Variants in KICS2 observed in about 807,000 individuals in gnomAD.
KICS2 encodes KICSTOR complex protein C12orf66.
In KICS2, 13 loss-of-function variants were observed where a neutral mutation model predicts 31.4. The observed-to-expected ratio is 0.41, with a 90% confidence interval of 0.27 to 0.66. The LOEUF is 0.66. Among genes scored for constraint, KICS2 ranks in the 30% least tolerant of loss-of-function variants. The probability of loss-of-function intolerance (pLI) is 0.28; values close to 1 mark genes in which losing one functional copy is unlikely to be tolerated. For synonymous variants in KICS2, 209 were observed against 214.8 expected (o/e 0.97, Z 0.24); for missense variants, 455 against 545.4 (o/e 0.83, Z 1.65).
At chr12:64,194,766 C>T in intron 2 of KICS2, 108 bp from the exon 3 acceptor site, 1 of 1,381,142 alleles carries the variant, frequency 7.2e-7, no homozygotes, top group African/African-American at 1.5e-5. Flanking sequence ...TATTATGCTT[C>T]AGGACAGGGG....
intron 2 of KICS2, 99 bp from the exon 3 acceptor site, chr12:64,194,757 A>G: frequency 1.4e-6 from 2 of 1,423,544 alleles, no homozygotes; most frequent in South Asian, 1.5e-5. Context: ...CAAACATAAT[A>G]TTATGCTTCA....
downstream of KICS2, chr12:64,187,346 C>A: frequency 2.3e-6 from 1 of 442,578 alleles, no homozygotes; most frequent in South Asian, 3.9e-5. Context: ...CAGATTCTGA[C>A]ATTAGGAGGG....
At chr12:64,201,222 T>C (rs1361147609) in intron 2 of KICS2, among the ~76,000 whole-genome samples, 3 of 144,796 alleles carry the variant, frequency 2.1e-5, no homozygotes, top group Admixed American at 6.9e-5. Flanking sequence ...CCAACAATGA[T>C]AGACTGGATT....
chr12:64,216,252 T>C (rs1026020832), intron 1 of KICS2, among the ~76,000 whole-genome samples: 27 of 152,148 alleles, frequency 1.8e-4, no homozygotes, highest in African/African-American at 6.5e-4. Flanking sequence ...AATGGACCTG[T>C]GTACAATTTG....
intron 2 of KICS2, among the ~76,000 whole-genome samples, chr12:64,201,752 A>G (rs1406463383): frequency 6.6e-6 from 1 of 150,928 alleles, no homozygotes; most frequent in Non-Finnish European, 1.5e-5. Flanking sequence ...CTGAGGCACG[A>G]GAATTGCTTG....
In KICS2 at chr12:64,222,035, T is replaced by A; in HGVS notation, c.203A>T (p.Tyr68Phe). ...LAHLAAAEKV[Y>F]HSLTYLGQKL... The stretch of plus-strand genomic sequence containing the variant: ...CTGCCCCAGGTAGGTGAGGCTGTGA[T>A]AGACCTTCTCGGCCGCGGCCAGGTG... Residue 68 changes from tyrosine to phenylalanine, a missense_variant, in exon 1 of 3, where the codon TAT (tyrosine) becomes TTT (phenylalanine). Coordinates refer to ENST00000398055, the MANE Select transcript of KICS2 (RefSeq NM_152440.5). 1 of 1,613,750 alleles carries A rather than the reference T, an allele frequency of 6.2e-7. No homozygotes were observed. The highest frequency in any genetic ancestry group is 1.1e-5 in the South Asian group (1 of 91,018).
At chr12:64,188,426 A>G (rs192284781), downstream of KICS2, among the ~76,000 whole-genome samples, 36 of 152,246 alleles carry the variant, frequency 2.4e-4, no homozygotes, top group East Asian at 7.0e-3. Flanking sequence ...CATGAGGCTG[A>G]GGCACGAGAA....
chr12:64,188,587 TAGAG>T (rs1030285035), downstream of KICS2, among the ~76,000 whole-genome samples: 1 of 146,408 alleles, frequency 6.8e-6, no homozygotes, highest in Admixed American at 6.9e-5. Context: ...GGAAGAGAGA[TAGAG>T]GGAGAGGGAG....
At chr12:64,187,417 A>AC, downstream of KICS2, 1 of 562,876 alleles carries the variant, frequency 1.8e-6, no homozygotes, top group Non-Finnish European at 3.1e-6. Context: ...TTTTACACAT[A>AC]CCCTACGGTT....
At chr12:64,213,101 A>AAAAG (rs2037598671) in intron 2 of KICS2, among the ~76,000 whole-genome samples, 1 of 146,804 alleles carries the variant, frequency 6.8e-6, no homozygotes, top group Non-Finnish European at 1.5e-5. Flanking sequence ...AAAAAAAAAA[A>AAAAG]AAAAGAAAAG....
At chr12:64,218,582 G>T (rs1196253235) in intron 1 of KICS2, among the ~76,000 whole-genome samples, 1 of 151,990 alleles carries the variant, frequency 6.6e-6, no homozygotes, top group Non-Finnish European at 1.5e-5. Context: ...AAACTGTGGT[G>T]AATTGGGAGC....
chr12:64,196,006 C>G (rs1450111891), intron 2 of KICS2, among the ~76,000 whole-genome samples: 4 of 151,350 alleles, frequency 2.6e-5, no homozygotes, highest in South Asian at 4.2e-4. Flanking sequence ...AACTGCAAGG[C>G]GGCAGCGAGG....
At chr12:64,212,826 A>G (rs906014949) in intron 2 of KICS2, among the ~76,000 whole-genome samples, 4 of 152,056 alleles carry the variant, frequency 2.6e-5, no homozygotes, top group African/African-American at 7.3e-5. Context: ...ACAGTAGCTC[A>G]CTCCTGTAAT....
chr12:64,188,360 C>G (rs138988097), downstream of KICS2, among the ~76,000 whole-genome samples: 2,474 of 152,216 alleles, frequency 0.016, 31 homozygotes, highest in Middle Eastern at 0.031. Flanking sequence ...CCCGTCTCCA[C>G]TAAACATACA....
intron 2 of KICS2, among the ~76,000 whole-genome samples, chr12:64,209,845 C>T (rs1592386370): frequency 6.6e-6 from 1 of 152,124 alleles, no homozygotes; most frequent in East Asian, 1.9e-4. Context: ...GTACTAGTCA[C>T]AAAATTTGTT....
At chr12:64,214,018 AAACT>A (rs2136704694) in intron 2 of KICS2, among the ~76,000 whole-genome samples, 1 of 152,330 alleles carries the variant, frequency 6.6e-6, no homozygotes, top group East Asian at 1.9e-4. Flanking sequence ...ATAGCCTGCT[AAACT>A]AACCTTTTCT....
chr12:64,192,156 G>T lies in KICS2; in HGVS notation c.*1686C>A, dbSNP rs971296315. 6.8e-6 allele frequency: 1 copy of T among 146,148 alleles called. No homozygotes were observed. The highest frequency in any genetic ancestry group is 2.6e-5 in the African/African-American group (1 of 39,038). The allele number at this position is 146,148 out of a possible 1,614,324, so 9.1% of individuals were successfully genotyped here. ...TTTTTTTTTTTTTGAGACAGGTCTC[G>T]CTCTTTCACCCAGGCTGGAGTGCAG... On this transcript the variant is annotated 3_prime_UTR_variant, in exon 3 of 3. Transcript: ENST00000398055.
At chr12:64,201,460 TG>T (rs1470337571) in intron 2 of KICS2, among the ~76,000 whole-genome samples, 50 of 55,556 alleles carry the variant, frequency 9.0e-4, no homozygotes, top group Admixed American at 2.6e-3. Flanking sequence ...TGTTGTGGGG[TG>T]GGGGGAGGGG....
chr12:64,207,462 C>A (rs1044676770), intron 2 of KICS2, among the ~76,000 whole-genome samples: 2 of 152,014 alleles, frequency 1.3e-5, no homozygotes, highest in Non-Finnish European at 2.9e-5. Flanking sequence ...TGATTCCTCA[C>A]CCTTTGTTTT....
Sources: gnomAD v4.1 joint callset for allele counts (sites outside exome capture counted in the v4.1 genomes callset) on GRCh38, gnomAD v4.1.1 for gene constraint, MANE v1.5 for transcripts, NCBI Gene and HGNC (gene_info 2026-07-23, HGNC 2026-07-21) for gene names.